GRM8: variants seen among roughly 807,000 people sequenced by gnomAD.
GRM8 encodes glutamate metabotropic receptor 8.
A neutral mutation model predicts 87.2 loss-of-function variants in GRM8; 47 were observed. The ratio of observed to expected loss-of-function variants is 0.54; its 90% CI spans 0.43 to 0.69. The LOEUF is 0.69. Among genes scored for constraint, GRM8 ranks in the 30% least tolerant of loss-of-function variants. GRM8 has a pLI of 0.00. For missense variants in GRM8, 1,019 were observed against 1,139.2 expected (o/e 0.89, Z 1.52); for synonymous variants, 396 against 404.5 (o/e 0.98, Z 0.25).
intron 9 of GRM8, among the ~76,000 whole-genome samples, chr7:126,478,662 G>C (rs944601822): frequency 2.6e-5 from 4 of 152,074 alleles, no homozygotes; most frequent in Non-Finnish European, 5.9e-5. Flanking sequence ...ATATGAGCAT[G>C]CTAATTGAGA....
At chr7:126,480,901 C>T (rs58278385) in intron 9 of GRM8, among the ~76,000 whole-genome samples, 1,965 of 152,058 alleles carry the variant, frequency 0.013, 41 homozygotes, top group African/African-American at 0.045. Flanking sequence ...TTGTAGAAGA[C>T]ATCGATCCCA....
chr7:126,513,244 C>T (rs1056922626), intron 9 of GRM8, among the ~76,000 whole-genome samples: 1 of 151,894 alleles, frequency 6.6e-6, no homozygotes, highest in Non-Finnish European at 1.5e-5. Context: ...TGCTTTAAAA[C>T]CTGCAGTAAG....
intron 8 of GRM8, among the ~76,000 whole-genome samples, chr7:126,565,418 G>GA (rs541256259): frequency 6.6e-6 from 1 of 151,890 alleles, no homozygotes; most frequent in East Asian, 1.9e-4. Flanking sequence ...CAAACTATCT[G>GA]AAAAAATTGG....
At chr7:126,975,278 G>A (rs1477273745) in intron 3 of GRM8, among the ~76,000 whole-genome samples, 1 of 152,144 alleles carries the variant, frequency 6.6e-6, no homozygotes, top group Non-Finnish European at 1.5e-5. Flanking sequence ...CAGTTAGAAG[G>A]AAGGTGTCAA....
At chr7:127,163,845 G>A (rs1793275559) in intron 2 of GRM8, among the ~76,000 whole-genome samples, 1 of 152,042 alleles carries the variant, frequency 6.6e-6, no homozygotes, top group Non-Finnish European at 1.5e-5. Context: ...TAAAAAAAAT[G>A]TTTAAGCACC....
intron 7 of GRM8, among the ~76,000 whole-genome samples, chr7:126,729,866 A>C (rs1215130469): frequency 1.3e-5 from 2 of 152,164 alleles, no homozygotes; most frequent in African/African-American, 4.8e-5. Flanking sequence ...AGGAATGGAC[A>C]TCAGATTGTC....
At chr7:126,634,037 A>G (rs963726583) in intron 7 of GRM8, among the ~76,000 whole-genome samples, 1 of 152,142 alleles carries the variant, frequency 6.6e-6, no homozygotes, top group African/African-American at 2.4e-5. Context: ...TACAGAAGAT[A>G]AACTACATAG....
At chr7:126,967,295 A>T (rs1457011368) in intron 3 of GRM8, among the ~76,000 whole-genome samples, 2 of 152,186 alleles carry the variant, frequency 1.3e-5, no homozygotes, top group African/African-American at 4.8e-5. Context: ...ACAAATTCCA[A>T]ATCCATTTAA....
intron 2 of GRM8, among the ~76,000 whole-genome samples, chr7:127,222,460 A>G (rs1272937299): frequency 2.6e-5 from 4 of 152,118 alleles, no homozygotes; most frequent in African/African-American, 9.7e-5. Flanking sequence ...ACTCTACCCT[A>G]CTTTCTCAGA....
At chr7:127,205,765 T>A (rs535995686) in intron 2 of GRM8, among the ~76,000 whole-genome samples, 2 of 152,324 alleles carry the variant, frequency 1.3e-5, no homozygotes, top group African/African-American at 4.8e-5. Context: ...AACTTTCACA[T>A]GGTCTTTCAC....
At chr7:126,805,894 C>T (rs1169796069) in intron 6 of GRM8, among the ~76,000 whole-genome samples, 1 of 152,208 alleles carries the variant, frequency 6.6e-6, no homozygotes, top group Non-Finnish European at 1.5e-5. Flanking sequence ...TTTCGGTTCT[C>T]TCCAGACCAG....
At chr7:127,052,739 A>G (rs1444699458) in intron 3 of GRM8, among the ~76,000 whole-genome samples, 1 of 152,180 alleles carries the variant, frequency 6.6e-6, no homozygotes, top group Non-Finnish European at 1.5e-5. Flanking sequence ...GATTCAATAC[A>G]ACTAACTAGC....
chr7:127,216,628 A>G (rs542894126), intron 2 of GRM8, among the ~76,000 whole-genome samples: 13 of 151,484 alleles, frequency 8.6e-5, no homozygotes, highest in African/African-American at 2.9e-4. Context: ...CTGTTGAAGC[A>G]CCTCTAATAG....
intron 9 of GRM8, chr7:126,465,346 T>TACATAC (rs1554441425): frequency 2.0e-5 from 3 of 148,870 alleles, no homozygotes; most frequent in Non-Finnish European, 4.5e-5. Context: ...CAGTTTTCGA[T>TACATAC]ACACACACAC....
chr7:127,153,502 G>A (rs1302147666), intron 2 of GRM8, among the ~76,000 whole-genome samples: 6 of 152,146 alleles, frequency 3.9e-5, no homozygotes, highest in Non-Finnish European at 5.9e-5. Flanking sequence ...CACTTCCTCT[G>A]TGAAGTAGTA....
At chr7:126,541,054 A>T (rs903484120) in intron 8 of GRM8, among the ~76,000 whole-genome samples, 1 of 152,236 alleles carries the variant, frequency 6.6e-6, no homozygotes, top group South Asian at 2.1e-4. Context: ...ACAAAGTTCA[A>T]TGTGAGAATT....
intron 6 of GRM8, among the ~76,000 whole-genome samples, chr7:126,854,249 T>C (rs143235064): frequency 1.3e-5 from 2 of 152,210 alleles, no homozygotes; most frequent in African/African-American, 4.8e-5. Flanking sequence ...CTAGCTTAAA[T>C]GTAACAGGGA....
intron 6 of GRM8, among the ~76,000 whole-genome samples, chr7:126,898,808 A>G (rs568686333): frequency 6.6e-6 from 1 of 152,296 alleles, no homozygotes; most frequent in Admixed American, 6.5e-5. Context: ...CATGTGCAGA[A>G]CGTGCAGGTT....
intron 3 of GRM8, among the ~76,000 whole-genome samples, chr7:127,090,726 G>A (rs796932401): frequency 6.6e-5 from 10 of 152,178 alleles, no homozygotes; most frequent in African/African-American, 2.4e-4. Context: ...GCACTGGCAT[G>A]CCCCAGAACC....
Sources: allele counts gnomAD v4.1 joint callset (sites outside exome capture counted in the v4.1 genomes callset), GRCh38; gene constraint gnomAD v4.1.1; transcripts MANE v1.5; gene names NCBI Gene and HGNC (gene_info 2026-07-23, HGNC 2026-07-21).